HEYL: variants seen among roughly 807,000 people sequenced by gnomAD.
HEYL encodes the protein hairy/enhancer-of-split related with YRPW motif-like protein.
In HEYL, 12 loss-of-function variants were observed where a neutral mutation model predicts 18.6. That is an observed-to-expected ratio of 0.65 (90% CI 0.41 to 1.05). The LOEUF (loss-of-function observed/expected upper bound fraction) is 1.05. Among genes scored for constraint, HEYL ranks in the 50% least tolerant of loss-of-function variants. The pLI is 0.00. For synonymous variants in HEYL, 159 were observed against 179.6 expected, an observed-to-expected ratio of 0.89 and a Z score of 0.91; for missense variants, 420 against 444.7, an observed-to-expected ratio of 0.94 and a Z score of 0.50.
At chr1:39,633,106 G>C (rs534571589) in intron 1 of HEYL, 1 of 983,858 alleles carries the variant, frequency 1.0e-6, no homozygotes, top group South Asian at 4.7e-5. Context: ...CGCTGGGAAC[G>C]AGCGTGGAAA....
rs566343856 is a variant in HEYL, at chr1:39,638,328, A to T, written c.80+1218T>A. Among the ~76,000 whole-genome samples the T allele has an allele frequency of 1.9e-4, 29 of 152,314 alleles. 1 individual carries two copies. The South Asian group carries it at 3.3e-3, about 17-fold the overall frequency. On this transcript the variant is annotated intron_variant, in intron 1 of 4. Transcript: ENST00000372852. ...TTAACTGGGCCTGGCTCACTGGCTT[A>T]TGTCTGTAATCCCAACACTTTGGGA...
In HEYL at chr1:39,631,591, T is replaced by C. The variant is rs149665255; in HGVS notation, c.148-12A>G. 7.3e-5 allele frequency: 118 copies of C among 1,612,580 alleles called. No homozygotes were observed. In the African/African-American group the frequency reaches 1.0e-3, roughly 14 times the overall value. On this transcript the variant is annotated splice_polypyrimidine_tract_variant and intron_variant, in intron 2 of 4. Coordinates refer to ENST00000372852, the MANE Select transcript of HEYL (RefSeq NM_014571.4). ...CGTTTCTCTATGATCTAAACAATCA[T>C]GACAAGAAGTTACTCACAGGTGTGT...
rs1476644093 is a variant in HEYL at position 39,625,694 on chromosome 1, C to G, written c.*813G>C. 6.5e-6 allele frequency: 1 copy of G among 152,732 alleles called. No homozygotes were observed. The highest frequency in any genetic ancestry group is 1.5e-5 in the Non-Finnish European group (1 of 68,438). 9.5% of individuals were successfully genotyped at this position (152,732 alleles called of 1,614,324 possible). On this transcript the variant is annotated 3_prime_UTR_variant, in exon 5 of 5. Transcript: ENST00000372852. ...CTGTAAGACGTGGGGGCTGGGCTCT[C>G]CATTGCTCAACCCTGGCTCCTGTCT...
rs1570440540 is a variant in HEYL at position 39,630,165 on chromosome 1, C to T, written c.313+62G>A. On this transcript the variant is annotated intron_variant, in intron 4 of 4. Transcript: ENST00000372852. ...TGGACTTTGCTCACCAGCATATCCC[C>T]AGGGCCCAGCCTCAAAATATTTGTT... 5.1e-5 allele frequency: 74 copies of T among 1,458,700 alleles called. No homozygotes were observed. In the East Asian group the frequency reaches 1.7e-3, roughly 33 times the overall value. The allele number at this position is 1,458,700 out of a possible 1,614,324, so 90.4% of individuals were successfully genotyped here. A position where few individuals can be genotyped will look rare whatever the true frequency, so the allele number is the denominator to read the frequency against.
intron 1 of HEYL, among the ~76,000 whole-genome samples, chr1:39,637,713 T>C (rs1646368082): frequency 6.6e-6 from 1 of 152,248 alleles, no homozygotes; most frequent in Non-Finnish European, 1.5e-5. Flanking sequence ...TAGGAAATGC[T>C]GTATGTATAG....
At position 39,629,457 on chromosome 1, in the gene HEYL, C is replaced by T. The variant is rs538301047; in HGVS notation, c.313+770G>A. On this transcript the variant is annotated intron_variant, in intron 4 of 4. Transcript: ENST00000372852. ...CCTCAGAATCTCTGGGGGATGACTC[C>T]TGATTCTGCCTGCCCCAAGGTGACA... Among the ~76,000 whole-genome samples the T allele has an allele frequency of 2.6e-5, 4 of 152,280 alleles. 1 individual carries two copies. The South Asian group carries it at 6.2e-4, about 24-fold the overall frequency.
Position 39,625,637 on chromosome 1 carries a change from T to C in HEYL, c.*870A>G, listed in dbSNP as rs1487075380. ...CGGCCCCTCTGCACTGTGCACCCAA[T>C]GGGGAGGGACCACACGCCTGGAGGA... On this transcript the variant is annotated 3_prime_UTR_variant, in exon 5 of 5. Coordinates refer to ENST00000372852, the MANE Select transcript of HEYL (RefSeq NM_014571.4). 3 of 152,338 alleles carry C rather than the reference T, an allele frequency of 2.0e-5. No homozygotes were observed. Among genetic ancestry groups the C allele is most frequent in the African/African-American group, 7.2e-5 (3 of 41,414 alleles). The allele number at this position is 152,338 out of a possible 1,614,324, so 9.4% of individuals were successfully genotyped here.
chr1:39,628,877 C>T (rs768864456), intron 4 of HEYL, among the ~76,000 whole-genome samples: 3 of 151,296 alleles, frequency 2.0e-5, no homozygotes, highest in Admixed American at 6.6e-5. Flanking sequence ...GCTGGGACTA[C>T]AGGCGTGAGC....
Position 39,626,644 on chromosome 1 carries a change from G to A in HEYL, c.850C>T (p.Pro284Ser). ...TAAGCAGCCGACCCTGTAGGACCAG[G>A]GGGTGTTGGGGAGGAAGACTGCAGG... ...PLLQSSSPTPPGPTGSAAYVA... is the reference protein window; with the variant it reads ...PLLQSSSPTPSGPTGSAAYVA... The change falls in exon 5 of 5, where the codon CCT becomes TCT. Residue 284 changes from proline to serine, a missense_variant. Pro to Ser is a moderately conservative substitution (Grantham distance 74). Transcript: ENST00000372852. 1 of 1,533,892 alleles carries A rather than the reference G, an allele frequency of 6.5e-7. No homozygotes were observed. The highest frequency in any genetic ancestry group is 8.8e-7 in the Non-Finnish European group (1 of 1,141,938).
chr1:39,631,365 G>T, intron 3 of HEYL, 131 bp downstream of exon 3: 1 of 737,970 alleles, frequency 1.4e-6, no homozygotes, highest in East Asian at 2.7e-5. Flanking sequence ...ACCCTGGCCA[G>T]TGACAGATAT....
At chr1:39,633,116 A>G (rs1278823896) in intron 1 of HEYL, 2 of 983,968 alleles carry the variant, frequency 2.0e-6, no homozygotes, top group Non-Finnish European at 1.2e-6. Context: ...GAGCGTGGAA[A>G]GAGCAGATGC....
rs922417006 is a variant in HEYL, at chr1:39,624,180, T to C, written c.*2327A>G. 6.6e-5 allele frequency: 10 copies of C among 152,204 alleles called. No individual in the cohort carries two copies. Among genetic ancestry groups the C allele is most frequent in the African/African-American group, 1.9e-4 (8 of 41,426 alleles). The allele number at this position is 152,204 out of a possible 1,614,324, so 9.4% of individuals were successfully genotyped here. On this transcript the variant is annotated 3_prime_UTR_variant, in exon 5 of 5. Transcript: ENST00000372852. ...TCCAGAAGCACTAAAAAAATCTTTA[T>C]TGGATGTCCGCAACAACCCATGCAA...
At chr1:39,627,332 C>T (rs1423193497) in intron 4 of HEYL, 152 bp from the exon 5 acceptor site, 6 of 667,732 alleles carry the variant, frequency 9.0e-6, no homozygotes, top group African/African-American at 1.8e-5. Context: ...GTCTCCCCAT[C>T]TGCAAAGTGA....
At chr1:39,639,494 C>G in intron 1 of HEYL, 52 bp downstream of exon 1, 1 of 1,469,396 alleles carries the variant, frequency 6.8e-7, no homozygotes, top group Non-Finnish European at 9.2e-7. Context: ...GTCGGGCCGA[C>G]CCCCACCCCG....
intron 1 of HEYL, among the ~76,000 whole-genome samples, chr1:39,637,010 G>A (rs1304692199): frequency 6.6e-6 from 1 of 152,206 alleles, no homozygotes; most frequent in Non-Finnish European, 1.5e-5. Flanking sequence ...TTTTGAACGC[G>A]AGAAAACTGA....
intron 2 of HEYL, 69 bp downstream of exon 2, chr1:39,632,580 G>T: frequency 7.2e-7 from 1 of 1,389,188 alleles, no homozygotes; most frequent in Non-Finnish European, 1.0e-6. Context: ...GGTTCTCCCC[G>T]CCGCCAGACT....
chr1:39,627,035 G>C lies in HEYL; in HGVS notation c.459C>G (p.Leu153=), dbSNP rs151145306. The part of the protein sequence containing the change: ...DPVRIRLLSH[L]NSYAAEMEPS... The stretch of plus-strand genomic sequence containing the variant: ...GCTCCATCTCGGCTGCGTAGCTGTT[G>C]AGGTGGGAGAGAAGGCGAATCCGGA... The change falls in exon 5 of 5, where the codon CTC becomes CTG. Residue 153 remains leucine, a synonymous_variant. Coordinates refer to ENST00000372852, the MANE Select transcript of HEYL (RefSeq NM_014571.4). 87 of 1,614,176 alleles carry C rather than the reference G, an allele frequency of 5.4e-5. 1 individual carries two copies. The African/African-American group carries it at 9.2e-4, about 17-fold the overall frequency.
At chr1:39,639,487 G>C (rs1646376395) in intron 1 of HEYL, 59 bp downstream of exon 1, 1 of 1,433,324 alleles carries the variant, frequency 7.0e-7, no homozygotes, top group Non-Finnish European at 9.4e-7. Context: ...CGAGCCCGTC[G>C]GGCCGACCCC....
At chr1:39,632,417 C>CT (rs1489432019) in intron 2 of HEYL, among the ~76,000 whole-genome samples, 2 of 152,226 alleles carry the variant, frequency 1.3e-5, no homozygotes, top group African/African-American at 4.8e-5. Context: ...TAAAGCAGCC[C>CT]TTTGAGGTGG....
Sources: allele counts gnomAD v4.1 joint callset (sites outside exome capture counted in the v4.1 genomes callset), GRCh38; gene constraint gnomAD v4.1.1; transcripts MANE v1.5; gene names NCBI Gene and HGNC (gene_info 2026-07-23, HGNC 2026-07-21).